The following CAST variants were observed in gnomAD, a reference collection of about 807,000 sequenced individuals.
The protein encoded by CAST is MIR583 host.
CAST carries 76 observed loss-of-function variants against 119.6 expected under a neutral mutation model. The ratio of observed to expected loss-of-function variants is 0.64; its 90% CI spans 0.53 to 0.77. The LOEUF is 0.77. CAST is among the 30% of genes least tolerant of loss of function. The pLI, the probability that CAST is intolerant of heterozygous loss-of-function variation, is 0.00. For synonymous variants in CAST, 319 were observed against 331.6 expected (o/e 0.96, Z 0.41); for missense variants, 953 against 946.5 (o/e 1.01, Z -0.09).
At chr5:96,014,066 G>A in the CAST span, among the ~76,000 whole-genome samples, 1 of 150,064 alleles carries the variant, frequency 6.7e-6, no homozygotes, top group Non-Finnish European at 1.5e-5. Flanking sequence ...ATAATACTTA[G>A]CTTAAAACAC....
At chr5:96,332,207 G>A in the CAST span, among the ~76,000 whole-genome samples, 5 of 152,170 alleles carry the variant, frequency 3.3e-5, no homozygotes, top group Non-Finnish European at 7.4e-5. Context: ...TAGCCACGGA[G>A]GGTAGGAGAA....
intron 3 of CAST, among the ~76,000 whole-genome samples, chr5:96,718,735 G>A (rs191451479): frequency 9.3e-4 from 142 of 152,294 alleles, no homozygotes; most frequent in East Asian, 2.5e-3. Context: ...GAACATGCAC[G>A]CAGCCCAGTG....
intron 1 of CAST, chr5:96,663,252 G>A: frequency 1.4e-6 from 1 of 701,906 alleles, no homozygotes; most frequent in East Asian, 2.7e-5. Context: ...CTGGGCGTGC[G>A]GATGAAGCGT....
At chr5:96,065,084 A>G in the CAST span, among the ~76,000 whole-genome samples, 3 of 152,074 alleles carry the variant, frequency 2.0e-5, no homozygotes, top group African/African-American at 7.2e-5. Flanking sequence ...AGTTCCTAGT[A>G]TTGTTAAAAA....
chr5:96,411,486 AG>A, the CAST span, among the ~76,000 whole-genome samples: 1 of 152,196 alleles, frequency 6.6e-6, no homozygotes, highest in Non-Finnish European at 1.5e-5. Context: ...TGCTCTCCAG[AG>A]TTTCTACTTT....
the CAST span, among the ~76,000 whole-genome samples, chr5:96,068,847 A>C: frequency 2.6e-5 from 4 of 151,406 alleles, no homozygotes; most frequent in Non-Finnish European, 5.9e-5. Flanking sequence ...ATATATATAC[A>C]CACACCTGTC....
chr5:96,502,296 A>T, the CAST span, among the ~76,000 whole-genome samples: 8 of 152,116 alleles, frequency 5.3e-5, no homozygotes, highest in African/African-American at 1.4e-4. Context: ...GTGTATTGTC[A>T]TTTGTTTTTC....
the CAST span, among the ~76,000 whole-genome samples, chr5:96,324,789 C>T: frequency 6.6e-6 from 1 of 151,942 alleles, no homozygotes; most frequent in African/African-American, 2.4e-5. Flanking sequence ...AGGTACACTA[C>T]TATAACCCTT....
chr5:96,102,015 G>T, the CAST span, among the ~76,000 whole-genome samples: 1 of 152,128 alleles, frequency 6.6e-6, no homozygotes, highest in Admixed American at 6.5e-5. Flanking sequence ...AGCCTGAGGG[G>T]GTGTGTTGTA....
At chr5:96,054,942 T>C in the CAST span, among the ~76,000 whole-genome samples, 4 of 152,190 alleles carry the variant, frequency 2.6e-5, no homozygotes, top group African/African-American at 9.6e-5. Flanking sequence ...AGTGGGTGGA[T>C]GGATTAAATA....
chr5:96,083,035 G>C, the CAST span, among the ~76,000 whole-genome samples: 1 of 152,120 alleles, frequency 6.6e-6, no homozygotes. Context: ...CATAGCATAG[G>C]GTATTTGGCT....
In CAST at chr5:96,570,928, C is replaced by T. The variant is rs533217426; in HGVS notation, c.60+41048C>T. Among the ~76,000 whole-genome samples the T allele has an allele frequency of 2.6e-5, 4 of 152,188 alleles. No homozygotes were observed. The South Asian group carries it at 6.2e-4, about 24-fold the overall frequency. Reference sequence around the variant, plus strand: ...TGAATTCCTCTGACTTTTTATTGGCCGTGTCTGGTGCTCTCTCATAAGTTT... The same window carrying T: ...TGAATTCCTCTGACTTTTTATTGGCTGTGTCTGGTGCTCTCTCATAAGTTT... On this transcript the variant is annotated intron_variant, in intron 1 of 11. Coordinates refer to the CAST transcript ENST00000505143.
chr5:96,621,206 T>C (rs1034502605), intron 1 of CAST, among the ~76,000 whole-genome samples: 13 of 152,198 alleles, frequency 8.5e-5, no homozygotes, highest in Non-Finnish European at 1.5e-4. Flanking sequence ...AAAGGTTTTG[T>C]CTCTCATTAA....
chr5:96,030,893 C>G, the CAST span, among the ~76,000 whole-genome samples: 1 of 152,106 alleles, frequency 6.6e-6, no homozygotes, highest in South Asian at 2.1e-4. Context: ...AATAAGCAAA[C>G]AAATAAAACA....
the CAST span, among the ~76,000 whole-genome samples, chr5:96,344,198 A>G: frequency 7.0e-6 from 1 of 143,772 alleles, no homozygotes; most frequent in African/African-American, 2.4e-5. Flanking sequence ...AGCAATAGTG[A>G]AGAGTGACAT....
intron 1 of CAST, among the ~76,000 whole-genome samples, chr5:96,541,069 T>C (rs75935303): frequency 0.028 from 4,229 of 152,256 alleles, 202 homozygotes; most frequent in African/African-American, 0.097. Context: ...AGTGTAGAGT[T>C]ACGTTTCCTT....
chr5:96,207,673 T>C, the CAST span, among the ~76,000 whole-genome samples: 1 of 152,160 alleles, frequency 6.6e-6, no homozygotes, highest in South Asian at 2.1e-4. Flanking sequence ...GGTTAGCTTT[T>C]TGATGTACTG....
chr5:96,408,575 C>T, the CAST span, among the ~76,000 whole-genome samples: 1 of 152,166 alleles, frequency 6.6e-6, no homozygotes, highest in African/African-American at 2.4e-5. Context: ...ACTCCCACTA[C>T]GAATATTTTC....
chr5:96,570,608 A>T (rs1234420783), intron 1 of CAST, among the ~76,000 whole-genome samples: 1 of 152,246 alleles, frequency 6.6e-6, no homozygotes, highest in Non-Finnish European at 1.5e-5. Flanking sequence ...CAATGAAAAT[A>T]GAATGAAGGT....
Sources: gnomAD v4.1 joint callset for allele counts (sites outside exome capture counted in the v4.1 genomes callset) on GRCh38, gnomAD v4.1.1 for gene constraint, MANE v1.5 for transcripts, NCBI Gene and HGNC (gene_info 2026-07-23, HGNC 2026-07-21) for gene names.